LRRTM4: variants seen among roughly 807,000 people sequenced by gnomAD.
LRRTM4 encodes leucine rich repeat transmembrane neuronal 4.
LRRTM4 carries 25 observed loss-of-function variants against 47.6 expected under a neutral mutation model. The ratio of observed to expected loss-of-function variants is 0.53; its 90% CI spans 0.38 to 0.73. The LOEUF (loss-of-function observed/expected upper bound fraction) is 0.73, where lower values mean the gene tolerates loss of function less well. Ranked by LOEUF, LRRTM4 falls within the 30% of genes least tolerant of loss-of-function variation. The pLI, the probability that LRRTM4 is intolerant of heterozygous loss-of-function variation, is 0.00. For synonymous variants in LRRTM4, 311 were observed against 269.5 expected (o/e 1.15, Z -1.51); for missense variants, 638 against 713.4 (o/e 0.89, Z 1.20).
chr2:77,359,066 T>A (rs182207066), intron 3 of LRRTM4, among the ~76,000 whole-genome samples: 1 of 152,330 alleles, frequency 6.6e-6, no homozygotes, highest in Admixed American at 6.5e-5. Flanking sequence ...TTGTTTTTGA[T>A]GCTTTTAATC....
intron 3 of LRRTM4, among the ~76,000 whole-genome samples, chr2:77,338,091 T>C (rs1671230676): frequency 6.6e-6 from 1 of 152,010 alleles, no homozygotes; most frequent in African/African-American, 2.4e-5. Context: ...AAAAATCAAA[T>C]TAAGATAGAT....
intron 3 of LRRTM4, among the ~76,000 whole-genome samples, chr2:77,498,413 A>G (rs750733024): frequency 1.3e-5 from 2 of 151,830 alleles, no homozygotes; most frequent in Non-Finnish European, 2.9e-5. Flanking sequence ...TGGTGTGTTC[A>G]AAACCATTTA....
chr2:77,311,312 G>A (rs186775190), intron 3 of LRRTM4, among the ~76,000 whole-genome samples: 85 of 152,190 alleles, frequency 5.6e-4, no homozygotes, highest in African/African-American at 2.0e-3. Flanking sequence ...GAATTTGAAT[G>A]CATTTTTAAA....
At chr2:77,314,240 T>C (rs1296818438) in intron 3 of LRRTM4, among the ~76,000 whole-genome samples, 1 of 152,208 alleles carries the variant, frequency 6.6e-6, no homozygotes, top group African/African-American at 2.4e-5. Context: ...CTTCATACTG[T>C]AGGTACATTT....
At chr2:77,461,477 G>A (rs1319583071) in intron 3 of LRRTM4, among the ~76,000 whole-genome samples, 2 of 151,886 alleles carry the variant, frequency 1.3e-5, no homozygotes. Flanking sequence ...AATACCATAT[G>A]GACTGAAATG....
At position 77,037,278 on chromosome 2, in the gene LRRTM4, A is replaced by G. The variant is rs866612097; in HGVS notation, c.1552-288362T>C. On this transcript the variant is annotated intron_variant, in intron 3 of 3. Transcript: ENST00000409884. Reference sequence around the variant, plus strand: ...ATCATCCAATTAAAAGGGAGTTAAAATAACTTTTACAAACCATGTTAAATA... The same window carrying G: ...ATCATCCAATTAAAAGGGAGTTAAAGTAACTTTTACAAACCATGTTAAATA... 6.6e-5 allele frequency among the ~76,000 whole-genome samples: 10 copies of G among 151,926 alleles called. No homozygotes were observed. In the Middle Eastern group the frequency reaches 0.01, roughly 155 times the overall value.
At chr2:77,156,962 A>G (rs930537177) in intron 3 of LRRTM4, among the ~76,000 whole-genome samples, 2 of 151,734 alleles carry the variant, frequency 1.3e-5, no homozygotes, top group Admixed American at 1.3e-4. Flanking sequence ...GAAATATTTC[A>G]TAATAACCTT....
intron 3 of LRRTM4, among the ~76,000 whole-genome samples, chr2:77,331,598 C>T (rs988205668): frequency 3.9e-5 from 6 of 152,166 alleles, no homozygotes; most frequent in Non-Finnish European, 8.8e-5. Flanking sequence ...ATGAACAAAT[C>T]AACTACTCTT....
At chr2:77,135,608 A>C (rs138800117) in intron 3 of LRRTM4, among the ~76,000 whole-genome samples, 2 of 152,298 alleles carry the variant, frequency 1.3e-5, no homozygotes, top group African/African-American at 4.8e-5. Context: ...TCTTTACTTC[A>C]TTTCATTTTA....
At chr2:76,979,851 C>T (rs1053218841) in intron 3 of LRRTM4, among the ~76,000 whole-genome samples, 2 of 151,880 alleles carry the variant, frequency 1.3e-5, no homozygotes, top group African/African-American at 2.4e-5. Context: ...TATCTGGTTT[C>T]CTGCCCATTA....
chr2:77,381,891 G>T (rs539854224), intron 3 of LRRTM4, among the ~76,000 whole-genome samples: 8 of 151,968 alleles, frequency 5.3e-5, no homozygotes, highest in Middle Eastern at 3.4e-3. Flanking sequence ...TGGAAAAGAA[G>T]GAACTTATTT....
At position 76,767,544 on chromosome 2, in the gene LRRTM4, C is replaced by A. The variant is rs151088953; in HGVS notation, c.1552-18628G>T. On this transcript the variant is annotated intron_variant, in intron 3 of 3. Coordinates refer to ENST00000409884, the MANE Select transcript of LRRTM4 (RefSeq NM_001134745.3). ...CTATCTCGTGTAGATACTCTGCCTT[C>A]AGAAATAAACCACTCTATAATATCT... Among the ~76,000 whole-genome samples the A allele has an allele frequency of 4.8e-3, 733 of 151,550 alleles. 11 individuals are homozygous for A. The highest frequency in any genetic ancestry group is 3.6e-3 in the Non-Finnish European group (247 of 67,832).
chr2:77,111,283 A>ATTTTTTTTTTTTTTTTTTT (rs71381260), intron 3 of LRRTM4, among the ~76,000 whole-genome samples: 1 of 113,168 alleles, frequency 8.8e-6, no homozygotes, highest in African/African-American at 3.6e-5. Context: ...ACACCTGGCT[A>ATTTTTTTTTTTTTTTTTTT]TTTTTTTTTT....
At chr2:76,781,023 G>C (rs1430229194) in intron 3 of LRRTM4, among the ~76,000 whole-genome samples, 1 of 152,258 alleles carries the variant, frequency 6.6e-6, no homozygotes, top group Non-Finnish European at 1.5e-5. Context: ...CCTGCCGTGT[G>C]AGGTGTCAGT....
chr2:76,782,202 C>T (rs1347292582), intron 3 of LRRTM4, among the ~76,000 whole-genome samples: 1 of 152,178 alleles, frequency 6.6e-6, no homozygotes, highest in Non-Finnish European at 1.5e-5. Context: ...TACGGGCCTG[C>T]TGATGTTGCT....
At chr2:77,005,095 CT>C (rs1677588054) in intron 3 of LRRTM4, among the ~76,000 whole-genome samples, 1 of 151,728 alleles carries the variant, frequency 6.6e-6, no homozygotes, top group South Asian at 2.1e-4. Context: ...TGGGTTAATG[CT>C]GGAGTTAGTT....
chr2:77,362,650 T>A (rs543693102), intron 3 of LRRTM4, among the ~76,000 whole-genome samples: 6 of 152,262 alleles, frequency 3.9e-5, no homozygotes, highest in African/African-American at 1.4e-4. Flanking sequence ...GAGAAGCCCA[T>A]CTAATGGGAA....
At chr2:76,920,068 G>C (rs1674385334) in intron 3 of LRRTM4, among the ~76,000 whole-genome samples, 1 of 152,028 alleles carries the variant, frequency 6.6e-6, no homozygotes, top group Non-Finnish European at 1.5e-5. Context: ...ATTTCAGATA[G>C]TTTTCCAATG....
At chr2:76,776,693 T>G (rs1285102133) in intron 3 of LRRTM4, among the ~76,000 whole-genome samples, 1 of 146,946 alleles carries the variant, frequency 6.8e-6, no homozygotes, top group Non-Finnish European at 1.5e-5. Flanking sequence ...GAAAATTTTC[T>G]CCCATTTTGT....
Sources: allele counts gnomAD v4.1 joint callset (sites outside exome capture counted in the v4.1 genomes callset), GRCh38; gene constraint gnomAD v4.1.1; transcripts MANE v1.5; gene names NCBI Gene and HGNC (gene_info 2026-07-23, HGNC 2026-07-21).